Variants in CAST observed in about 807,000 individuals in gnomAD.
The protein encoded by CAST is calpastatin.
CAST carries 76 observed loss-of-function variants against 119.6 expected under a neutral mutation model. That is an observed-to-expected ratio of 0.64 (90% CI 0.53 to 0.77). CAST has a LOEUF of 0.77. Among genes scored for constraint, CAST ranks in the 30% least tolerant of loss-of-function variants. CAST has a pLI of 0.00. For missense variants in CAST, 953 were observed against 946.5 expected (o/e 1.01, Z -0.09); for synonymous variants, 319 against 331.6 (o/e 0.96, Z 0.41).
chr5:96,270,938 G>T, the CAST span, among the ~76,000 whole-genome samples: 804 of 151,394 alleles, frequency 5.3e-3, 9 homozygotes, highest in African/African-American at 0.018. Flanking sequence ...TAGTAAAGTT[G>T]CAGGATACAA....
At chr5:95,994,206 G>A in the CAST span, among the ~76,000 whole-genome samples, 1 of 152,152 alleles carries the variant, frequency 6.6e-6, no homozygotes, top group African/African-American at 2.4e-5. Flanking sequence ...TCCATACAAA[G>A]AGTTGTGTGT....
the CAST span, chr5:96,393,084 C>T: frequency 3.7e-6 from 6 of 1,614,140 alleles, no homozygotes; most frequent in Admixed American, 5.0e-5. Context: ...TTATAAAAAA[C>T]ATCAACATAG....
chr5:96,408,098 G>C, the CAST span: 1 of 719,056 alleles, frequency 1.4e-6, no homozygotes, highest in East Asian at 2.7e-5. Context: ...TGGCAGGAAA[G>C]AGCTTATCTT....
At chr5:96,450,764 GA>G in the CAST span, among the ~76,000 whole-genome samples, 3 of 152,020 alleles carry the variant, frequency 2.0e-5, no homozygotes, top group African/African-American at 7.2e-5. Flanking sequence ...GAAGGCTTTT[GA>G]AAAATTAAAA....
the CAST span, among the ~76,000 whole-genome samples, chr5:96,049,889 C>CAAAAAAAAAAAAAAAAAAAAAAAAAAAAG: frequency 5.9e-5 from 2 of 34,188 alleles, no homozygotes; most frequent in African/African-American, 2.0e-4. Flanking sequence ...GAACAGGAGG[C>CAAAAAAAAAAAAAAAAAAAAAAAAAAAAG]AAAAAAAAAA....
chr5:96,432,527 C>T, the CAST span, among the ~76,000 whole-genome samples: 11 of 152,330 alleles, frequency 7.2e-5, no homozygotes, highest in African/African-American at 2.6e-4. Context: ...TTGGTAAGAG[C>T]TTGAGTGTAT....
At chr5:96,508,095 A>G in the CAST span, among the ~76,000 whole-genome samples, 99 of 151,978 alleles carry the variant, frequency 6.5e-4, no homozygotes, top group Middle Eastern at 0.01. Flanking sequence ...TCCTAGCCTT[A>G]AGGGATCCTC....
At chr5:96,614,114 C>T (rs1045341584) in intron 1 of CAST, among the ~76,000 whole-genome samples, 3 of 152,104 alleles carry the variant, frequency 2.0e-5, no homozygotes, top group Admixed American at 2.0e-4. Context: ...CCAAGGAACC[C>T]CTTCCAGAAC....
chr5:96,672,650 T>G (rs1383744251), intron 1 of CAST, among the ~76,000 whole-genome samples: 1 of 125,712 alleles, frequency 8.0e-6, no homozygotes, highest in Non-Finnish European at 1.5e-5. Context: ...GAGGTTGCAG[T>G]GGGCCAAGAT....
chr5:96,020,189 A>G, the CAST span, among the ~76,000 whole-genome samples: 1 of 152,194 alleles, frequency 6.6e-6, no homozygotes, highest in Non-Finnish European at 1.5e-5. Context: ...AACCACCATA[A>G]TATATTGCCT....
chr5:96,217,303 A>G, the CAST span, among the ~76,000 whole-genome samples: 1 of 150,042 alleles, frequency 6.7e-6, no homozygotes, highest in South Asian at 2.1e-4. Flanking sequence ...AGCCTCCCAA[A>G]GTGCTCGGAT....
chr5:96,067,230 G>A, the CAST span, among the ~76,000 whole-genome samples: 1 of 152,100 alleles, frequency 6.6e-6, no homozygotes, highest in Admixed American at 6.6e-5. Flanking sequence ...TTGTGCTTAA[G>A]GTTATATTCT....
chr5:96,310,560 G>C, the CAST span, among the ~76,000 whole-genome samples: 480 of 109,436 alleles, frequency 4.4e-3, 1 homozygote, highest in South Asian at 0.01. Context: ...TCAGGTCTTA[G>C]GCTTTTTTTT....
upstream of CAST, among the ~76,000 whole-genome samples, chr5:96,523,381 CT>C (rs1254261806): frequency 3.3e-5 from 5 of 152,228 alleles, no homozygotes; most frequent in Non-Finnish European, 7.3e-5. Context: ...AACTTTCAGA[CT>C]CTTCTCATAT....
chr5:96,074,090 T>C, the CAST span, among the ~76,000 whole-genome samples: 1 of 152,174 alleles, frequency 6.6e-6, no homozygotes, highest in Non-Finnish European at 1.5e-5. Context: ...AAAAATTTGC[T>C]GGAACTAATT....
At chr5:96,095,401 T>C in the CAST span, among the ~76,000 whole-genome samples, 4 of 151,192 alleles carry the variant, frequency 2.6e-5, no homozygotes, top group African/African-American at 9.7e-5. Flanking sequence ...GACACCCCTG[T>C]TTCTATAAGA....
At chr5:96,236,995 C>A in the CAST span, among the ~76,000 whole-genome samples, 11 of 152,242 alleles carry the variant, frequency 7.2e-5, no homozygotes, top group African/African-American at 2.6e-4. Context: ...AATCCTATAG[C>A]CTGTCTCTTG....
At chr5:96,697,652 C>T (rs1272000791) in intron 3 of CAST, among the ~76,000 whole-genome samples, 1 of 152,202 alleles carries the variant, frequency 6.6e-6, no homozygotes, top group Non-Finnish European at 1.5e-5. Context: ...CTGCTGGAGA[C>T]ACCACAGCAT....
At chr5:96,402,000 A>G in the CAST span, among the ~76,000 whole-genome samples, 1 of 152,172 alleles carries the variant, frequency 6.6e-6, no homozygotes, top group Admixed American at 6.5e-5. Flanking sequence ...CCTGAAGCCA[A>G]TCAAGCATTA....
Sources: gnomAD v4.1 joint callset for allele counts (sites outside exome capture counted in the v4.1 genomes callset) on GRCh38, gnomAD v4.1.1 for gene constraint, MANE v1.5 for transcripts, NCBI Gene and HGNC (gene_info 2026-07-23, HGNC 2026-07-21) for gene names.